The following ADGRL2 variants were observed in gnomAD, a reference collection of about 807,000 sequenced individuals.
The protein encoded by ADGRL2 is adhesion G protein-coupled receptor L2, also known as calcium-independent alpha-latrotoxin receptor 2.
Under a neutral mutation model 157.4 loss-of-function variants are expected in ADGRL2, and 44 were observed. The observed-to-expected ratio is 0.28, with a 90% CI of 0.22 to 0.36. ADGRL2 has a LOEUF of 0.36. ADGRL2 is among the 10% of genes least tolerant of loss of function. ADGRL2 has a pLI of 1.00. For synonymous variants in ADGRL2, 585 were observed against 624.7 expected, an observed-to-expected ratio of 0.94 and a Z score of 0.95; for missense variants, 1,510 against 1,768.9, an observed-to-expected ratio of 0.85 and a Z score of 2.63.
At chr1:81,869,022 A>G (rs1413085722) in intron 2 of ADGRL2, among the ~76,000 whole-genome samples, 1 of 152,154 alleles carries the variant, frequency 6.6e-6, no homozygotes, top group Non-Finnish European at 1.5e-5. Flanking sequence ...TTATCTTGCT[A>G]CAGTAGAGAT....
intron 2 of ADGRL2, among the ~76,000 whole-genome samples, chr1:81,494,904 C>T (rs773386612): frequency 3.3e-5 from 5 of 152,142 alleles, no homozygotes; most frequent in East Asian, 1.9e-4. Context: ...AAAATTAATT[C>T]GCCCATGTAA....
At chr1:81,646,676 T>C (rs1274432306) in intron 3 of ADGRL2, among the ~76,000 whole-genome samples, 1 of 152,176 alleles carries the variant, frequency 6.6e-6, no homozygotes, top group Non-Finnish European at 1.5e-5. Context: ...GAATCAGACA[T>C]CTCAACCAGT....
At chr1:81,625,400 T>C (rs367604361) in intron 3 of ADGRL2, among the ~76,000 whole-genome samples, 4 of 152,142 alleles carry the variant, frequency 2.6e-5, no homozygotes, top group East Asian at 1.9e-4. Context: ...ATAAGGGGTA[T>C]GTTGGGTGAC....
Position 81,992,462 on chromosome 1 carries a change from T to A in ADGRL2, c.*1317T>A, listed in dbSNP as rs1664730150. On this transcript the variant is annotated 3_prime_UTR_variant, in exon 24 of 24. Transcript: ENST00000686636. ...CTTTTATGTATGATACATAATTGGC[T>A]TTAACATGTTGGTCCATTCCCACCT... is the stretch of plus-strand genomic sequence containing the variant. 6.6e-6 allele frequency: 1 copy of A among 152,606 alleles called. No homozygotes were observed. Among genetic ancestry groups the A allele is most frequent in the African/African-American group, 2.4e-5 (1 of 41,446 alleles). The allele number at this position is 152,606 out of a possible 1,614,324, so 9.5% of individuals were successfully genotyped here.
At chr1:81,512,694 G>T (rs954827426) in intron 2 of ADGRL2, among the ~76,000 whole-genome samples, 2 of 152,000 alleles carry the variant, frequency 1.3e-5, no homozygotes, top group Admixed American at 6.6e-5. Context: ...CCAGTAGGGG[G>T]AAAAAATACC....
intron 1 of ADGRL2, among the ~76,000 whole-genome samples, chr1:81,401,392 C>T (rs1165533124): frequency 6.8e-6 from 1 of 146,372 alleles, no homozygotes; most frequent in East Asian, 2.2e-4. Context: ...CTTACCTGTT[C>T]CCTGTAGGGA....
intron 1 of ADGRL2, among the ~76,000 whole-genome samples, chr1:81,801,651 G>A (rs1239591801): frequency 6.6e-6 from 1 of 152,132 alleles, no homozygotes; most frequent in Non-Finnish European, 1.5e-5. Context: ...CGGGAGATCC[G>A]AAATGTGAGG....
At chr1:81,526,772 C>T (rs1276425168) in intron 2 of ADGRL2, among the ~76,000 whole-genome samples, 2 of 152,132 alleles carry the variant, frequency 1.3e-5, no homozygotes, top group Non-Finnish European at 2.9e-5. Context: ...AAGTCTATTT[C>T]GAATATACAC....
intron 1 of ADGRL2, among the ~76,000 whole-genome samples, chr1:81,728,461 G>A (rs1175059017): frequency 6.6e-6 from 1 of 152,170 alleles, no homozygotes; most frequent in Non-Finnish European, 1.5e-5. Flanking sequence ...GAGAAACCTA[G>A]ATAACTGTGA....
At chr1:81,707,423 C>T (rs1570905552) in intron 1 of ADGRL2, among the ~76,000 whole-genome samples, 1 of 152,158 alleles carries the variant, frequency 6.6e-6, no homozygotes. Flanking sequence ...TGTGGCCTGC[C>T]CATAGGAAAA....
intron 2 of ADGRL2, among the ~76,000 whole-genome samples, chr1:81,851,912 C>T (rs1462003253): frequency 6.6e-6 from 1 of 151,772 alleles, no homozygotes; most frequent in Non-Finnish European, 1.5e-5. Context: ...ATGCAGAGTA[C>T]AACTATAGGA....
At chr1:81,983,130 A>G (rs1296259645) in intron 19 of ADGRL2, among the ~76,000 whole-genome samples, 1 of 151,952 alleles carries the variant, frequency 6.6e-6, no homozygotes, top group Non-Finnish European at 1.5e-5. Context: ...GACATAGCAG[A>G]AAAGGAGTGA....
At chr1:81,663,369 C>T (rs1409444257) in intron 3 of ADGRL2, among the ~76,000 whole-genome samples, 1 of 152,142 alleles carries the variant, frequency 6.6e-6, no homozygotes, top group Non-Finnish European at 1.5e-5. Flanking sequence ...CTCCCGGATC[C>T]ATACACCTCT....
chr1:81,859,905 G>A (rs1353009586), intron 2 of ADGRL2, among the ~76,000 whole-genome samples: 1 of 151,676 alleles, frequency 6.6e-6, no homozygotes, highest in Non-Finnish European at 1.5e-5. Flanking sequence ...ACATTTTCTT[G>A]GAATGTTTCA....
chr1:81,538,561 G>C (rs191054975), intron 2 of ADGRL2, among the ~76,000 whole-genome samples: 2 of 152,274 alleles, frequency 1.3e-5, no homozygotes, highest in East Asian at 3.9e-4. Context: ...AAATAGAGTA[G>C]TGAGATTCTT....
At chr1:81,696,190 TA>T (rs2083439761), upstream of ADGRL2, among the ~76,000 whole-genome samples, 1 of 152,158 alleles carries the variant, frequency 6.6e-6, no homozygotes, top group African/African-American at 2.4e-5. Context: ...CAAAACAGCA[TA>T]GCAGAATTTT....
At chr1:81,322,655 A>G (rs950628080) in intron 1 of ADGRL2, among the ~76,000 whole-genome samples, 4 of 152,244 alleles carry the variant, frequency 2.6e-5, no homozygotes, top group African/African-American at 9.6e-5. Context: ...CATCTGGCAT[A>G]TTATAATTAG....
chr1:81,383,368 T>C lies in ADGRL2; in HGVS notation c.-301-61668T>C, dbSNP rs1201063798. On this transcript the variant is annotated intron_variant, in intron 1 of 24. Transcript: ENST00000370721. ...TGAACAGGTAAAAACGGCTTTCATG[T>C]TGTAAGTATTCCATAAAGTGGGAGG... Among the ~76,000 whole-genome samples, 10 of 152,180 alleles carry C rather than the reference T, an allele frequency of 6.6e-5. 1 individual carries two copies. Among genetic ancestry groups the C allele is most frequent in the Admixed American group, 3.3e-4 (5 of 15,276 alleles).
chr1:81,972,358 T>TA (rs1461747683), intron 17 of ADGRL2, among the ~76,000 whole-genome samples: 1 of 152,116 alleles, frequency 6.6e-6, no homozygotes, highest in Non-Finnish European at 1.5e-5. Flanking sequence ...TTTTAGTATA[T>TA]AAAAAGTTGT....
Sources: allele counts gnomAD v4.1 joint callset (sites outside exome capture counted in the v4.1 genomes callset), GRCh38; gene constraint gnomAD v4.1.1; transcripts MANE v1.5; gene names NCBI Gene and HGNC (gene_info 2026-07-23, HGNC 2026-07-21).